Variants in CRACR2A observed in about 807,000 individuals in gnomAD.
CRACR2A encodes the protein EF-hand calcium-binding domain-containing protein 4B.
CRACR2A carries 79 observed loss-of-function variants against 90.5 expected under a neutral mutation model. The ratio of observed to expected loss-of-function variants is 0.87; its 90% confidence interval spans 0.73 to 1.05. CRACR2A has a LOEUF of 1.05. Among genes scored for constraint, CRACR2A ranks in the 50% least tolerant of loss-of-function variants. The pLI, the probability that CRACR2A is intolerant of heterozygous loss-of-function variation, is 0.00. For synonymous variants in CRACR2A, 338 were observed against 356.7 expected (o/e 0.95, Z 0.59); for missense variants, 823 against 897.2 (o/e 0.92, Z 1.06).
intron 1 of CRACR2A, among the ~76,000 whole-genome samples, chr12:3,749,901 G>C (rs941370044): frequency 2.0e-5 from 3 of 150,914 alleles, no homozygotes; most frequent in Non-Finnish European, 2.9e-5. Flanking sequence ...TGCTAGACCT[G>C]TCTATAGAAC....
At position 3,619,207 on chromosome 12, in the gene CRACR2A, GCACTTGCCCAACTTCCC is replaced by G. The variant is rs1867757374; in HGVS notation, c.2034+47_2034+63del. The G allele has an allele frequency of 3.1e-5, 42 of 1,362,380 alleles. No homozygotes were observed. In the South Asian group the frequency reaches 5.1e-4, roughly 17 times the overall value. 84.4% of individuals were successfully genotyped at this position (1,362,380 alleles called of 1,614,324 possible). ...AGAAAGTCCCCACCAAGGCTCTTGGGCACTTGCCCAACTTCCCTCGGGGTCACACTCTGTCCAGAGAG... is the reference window on the plus strand; with the variant it reads ...AGAAAGTCCCCACCAAGGCTCTTGGGTCGGGGTCACACTCTGTCCAGAGAG... On this transcript the variant is annotated intron_variant, in intron 18 of 19. Transcript: ENST00000440314.
intron 3 of CRACR2A, among the ~76,000 whole-genome samples, chr12:3,707,618 G>A (rs537553012): frequency 5.3e-5 from 8 of 152,186 alleles, no homozygotes; most frequent in East Asian, 1.9e-4. Context: ...ATTTCAAGGC[G>A]TCTGGTATAT....
chr12:3,638,992 C>T (rs892022054), intron 13 of CRACR2A, among the ~76,000 whole-genome samples: 3 of 152,124 alleles, frequency 2.0e-5, no homozygotes, highest in South Asian at 2.1e-4. Context: ...TGCTGTAAAA[C>T]GTGGCCCATC....
In CRACR2A at chr12:3,638,413, C is replaced by T; in HGVS notation, c.1313G>A (p.Arg438Lys). ...EEEEVFGIPRRSSLGLSGYPL... is the reference protein window; with the variant it reads ...EEEEVFGIPRKSSLGLSGYPL... The stretch of plus-strand genomic sequence containing the variant: ...ATATCCACTCAGGCCCAGGGAGCTT[C>T]TCCTTGGGATGCCAAACACCTCCTC... The change falls in exon 14 of 20, where the codon AGA (arginine) becomes AAA (lysine). Residue 438 changes from arginine (R) to lysine (K), a missense_variant. Transcript: ENST00000440314. 6.5e-7 allele frequency: 1 copy of T among 1,548,376 alleles called. No individual in the cohort carries two copies. The highest frequency in any genetic ancestry group is 1.2e-5 in the South Asian group (1 of 84,000).
intron 3 of CRACR2A, among the ~76,000 whole-genome samples, chr12:3,707,804 G>C (rs1243759343): frequency 6.6e-6 from 1 of 152,128 alleles, no homozygotes; most frequent in South Asian, 2.1e-4. Flanking sequence ...ATAACACCTG[G>C]CTTGGTATAA....
intron 2 of CRACR2A, among the ~76,000 whole-genome samples, chr12:3,722,299 C>T (rs149549796): frequency 5.3e-5 from 8 of 152,284 alleles, no homozygotes; most frequent in Non-Finnish European, 1.2e-4. Flanking sequence ...GGAATATATA[C>T]CAGGCACTAT....
At position 3,660,672 on chromosome 12, in the gene CRACR2A, A is replaced by G. The variant is rs556864912; in HGVS notation, c.672-1018T>C. Reference sequence around the variant, plus strand: ...GGAGTTACCACACTGAATTATTAACATTCCCAGATAGTTGCATTTTCATAC... The same window carrying G: ...GGAGTTACCACACTGAATTATTAACGTTCCCAGATAGTTGCATTTTCATAC... On this transcript the variant is annotated intron_variant, in intron 7 of 19. Transcript: ENST00000440314. 4.6e-5 allele frequency among the ~76,000 whole-genome samples: 7 copies of G among 152,220 alleles called. No individual in the cohort carries two copies. In the South Asian group the frequency reaches 1.2e-3, roughly 27 times the overall value.
Position 3,697,295 on chromosome 12 carries a change from T to C in CRACR2A, c.-36-260A>G, listed in dbSNP as rs536759047. 5.9e-5 allele frequency among the ~76,000 whole-genome samples: 9 copies of C among 152,258 alleles called. 2 individuals are homozygous for C. The highest frequency in any genetic ancestry group is 1.9e-4 in the African/African-American group (8 of 41,564). On this transcript the variant is annotated intron_variant, in intron 3 of 19. Coordinates refer to ENST00000440314, the MANE Select transcript of CRACR2A (RefSeq NM_001144958.2). ...ATCTCCAGATTGAAAGGAGATGGAA[T>C]AGGGGAAGCCCAAAAATAATTTCTT...
chr12:3,704,704 T>C (rs1022485160), intron 3 of CRACR2A, among the ~76,000 whole-genome samples: 1 of 152,230 alleles, frequency 6.6e-6, no homozygotes, highest in Non-Finnish European at 1.5e-5. Context: ...AGCCTGATTC[T>C]GTCTTTTACA....
intron 14 of CRACR2A, among the ~76,000 whole-genome samples, chr12:3,635,970 A>AT (rs1325347791): frequency 4.6e-5 from 7 of 152,118 alleles, no homozygotes; most frequent in Non-Finnish European, 1.0e-4. Flanking sequence ...TAACTTACAA[A>AT]TTTTTTTAGT....
intron 2 of CRACR2A, among the ~76,000 whole-genome samples, chr12:3,716,315 T>C (rs1946081439): frequency 6.6e-6 from 1 of 152,200 alleles, no homozygotes; most frequent in East Asian, 1.9e-4. Flanking sequence ...CCCTGTTTCA[T>C]CCCCTGTTAC....
At chr12:3,635,238 C>G (rs761064141) in intron 14 of CRACR2A, among the ~76,000 whole-genome samples, 2 of 152,148 alleles carry the variant, frequency 1.3e-5, no homozygotes, top group Non-Finnish European at 2.9e-5. Flanking sequence ...TGCACTTAAC[C>G]CACTGTCCCC....
chr12:3,715,366 A>G (rs1215475416), intron 2 of CRACR2A, among the ~76,000 whole-genome samples: 2 of 152,232 alleles, frequency 1.3e-5, no homozygotes, highest in Non-Finnish European at 2.9e-5. Context: ...CAAGGTAAGT[A>G]AGACAGCTAT....
intron 15 of CRACR2A, among the ~76,000 whole-genome samples, chr12:3,630,004 C>T (rs567128578): frequency 6.6e-6 from 1 of 152,230 alleles, no homozygotes; most frequent in African/African-American, 2.4e-5. Flanking sequence ...AGTCAGGAGA[C>T]CCGTGTTGTG....
chr12:3,713,109 A>C, intron 3 of CRACR2A, 128 bp downstream of exon 3: 1 of 248,036 alleles, frequency 4.0e-6, no homozygotes, highest in South Asian at 1.5e-4. Context: ...CTAAGGGCCC[A>C]CTGCTGATCC....
chr12:3,654,131 T>A, intron 10 of CRACR2A, 81 bp downstream of exon 10: 1 of 1,514,066 alleles, frequency 6.6e-7, no homozygotes, highest in Non-Finnish European at 8.9e-7. Context: ...GGAGACAGGG[T>A]CTCTGAGCGG....
chr12:3,713,509 C>T (rs1473274019), intron 2 of CRACR2A, among the ~76,000 whole-genome samples, 192 bp from the exon 3 acceptor site: 5 of 152,168 alleles, frequency 3.3e-5, no homozygotes, highest in Non-Finnish European at 7.3e-5. Context: ...GAAGGAATAG[C>T]GATGATAAGT....
intron 1 of CRACR2A, among the ~76,000 whole-genome samples, chr12:3,749,252 C>T (rs1295402585): frequency 2.6e-5 from 4 of 152,212 alleles, no homozygotes; most frequent in Non-Finnish European, 5.9e-5. Flanking sequence ...CCTGGAACAT[C>T]CTGGCTATGC....
intron 14 of CRACR2A, among the ~76,000 whole-genome samples, chr12:3,637,783 T>G (rs1255319847): frequency 1.3e-5 from 2 of 152,250 alleles, no homozygotes; most frequent in African/African-American, 4.8e-5. Context: ...GCCCCTTTGT[T>G]GAGGTGTGCT....
Sources: gnomAD v4.1 joint callset for allele counts (sites outside exome capture counted in the v4.1 genomes callset) on GRCh38, gnomAD v4.1.1 for gene constraint, MANE v1.5 for transcripts, NCBI Gene and HGNC (gene_info 2026-07-23, HGNC 2026-07-21) for gene names.